The following SLC8A3 variants were observed in gnomAD, a reference collection of about 807,000 sequenced individuals.
The protein encoded by SLC8A3 is sodium/calcium exchanger 3.
Under a neutral mutation model 65.4 loss-of-function variants are expected in SLC8A3, and 37 were observed. That is an observed-to-expected ratio of 0.57 (90% CI 0.44 to 0.74). The LOEUF is 0.74. Ranked by LOEUF, SLC8A3 falls within the 30% of genes least tolerant of loss-of-function variation. The probability of loss-of-function intolerance (pLI) is 0.00; values close to 1 mark genes in which losing one functional copy is unlikely to be tolerated. For synonymous variants in SLC8A3, 461 were observed against 444.5 expected, an observed-to-expected ratio of 1.04 and a Z score of -0.47; for missense variants, 1,112 against 1,172.1, an observed-to-expected ratio of 0.95 and a Z score of 0.75.
intron 2 of SLC8A3, among the ~76,000 whole-genome samples, chr14:70,089,900 C>T (rs12884186): frequency 0.48 from 72,568 of 151,744 alleles, 17,538 homozygotes; most frequent in South Asian, 0.66. Flanking sequence ...GATTTGTATA[C>T]GCAGGAAATT....
intron 2 of SLC8A3, among the ~76,000 whole-genome samples, chr14:70,103,301 C>T (rs1892653077): frequency 6.6e-6 from 1 of 151,826 alleles, no homozygotes; most frequent in African/African-American, 2.4e-5. Flanking sequence ...GGAAATGACA[C>T]CAAATGAAAA....
chr14:70,166,784 C>A lies in SLC8A3; in HGVS notation c.1639G>T (p.Val547Phe), dbSNP rs1402858295. 1 of 1,614,088 alleles carries A rather than the reference C, an allele frequency of 6.2e-7. No individual in the cohort carries two copies. The highest frequency in any genetic ancestry group is 1.7e-5 in the Admixed American group (1 of 60,022). Residue 547 changes from valine to phenylalanine, a missense_variant, in exon 2 of 7, where the codon GTT (valine) becomes TTT (phenylalanine). Transcript: ENST00000356921. The part of the protein sequence containing the change: ...DTIHVSESIG[V>F]MEVKVLRTSG... ...GTCCGCAGAACCTTGACCTCCATAA[C>A]ACCAATACTCTCACTGACATGAATA...
rs147185765 is a variant in SLC8A3 at position 70,095,080 on chromosome 14, T to C, written c.1785-34141A>G. ...TGTGGATCTGCAAGCGCTCACCTCA[T>C]AGAGACGTTGTGAGGTTTACAAGGG... On this transcript the variant is annotated intron_variant, in intron 2 of 6. Coordinates refer to ENST00000356921, the MANE Select transcript of SLC8A3 (RefSeq NM_182932.3). Among the ~76,000 whole-genome samples the C allele has an allele frequency of 5.3e-5, 8 of 151,914 alleles. No individual in the cohort carries two copies. In the East Asian group the frequency reaches 1.6e-3, roughly 30 times the overall value.
At chr14:70,123,651 C>T (rs1350367218) in intron 2 of SLC8A3, among the ~76,000 whole-genome samples, 1 of 152,000 alleles carries the variant, frequency 6.6e-6, no homozygotes, top group Non-Finnish European at 1.5e-5. Flanking sequence ...GGTTTCACCA[C>T]GTTGGCCAGG....
chr14:70,169,925 T>A (rs1897407257), intron 1 of SLC8A3, among the ~76,000 whole-genome samples: 1 of 152,074 alleles, frequency 6.6e-6, no homozygotes, highest in South Asian at 2.1e-4. Flanking sequence ...CTGTCCCTTA[T>A]CCAATCACTA....
intron 3 of SLC8A3, among the ~76,000 whole-genome samples, chr14:70,057,026 T>G (rs958760787): frequency 6.6e-6 from 1 of 152,122 alleles, no homozygotes; most frequent in Non-Finnish European, 1.5e-5. Context: ...TAGAGATTGC[T>G]GAGGAAGGAG....
chr14:70,058,887 G>A (rs17107746), intron 3 of SLC8A3, among the ~76,000 whole-genome samples: 22,363 of 152,124 alleles, frequency 0.15, 1,811 homozygotes, highest in African/African-American at 0.2. Flanking sequence ...ACTTACAATT[G>A]GCCTTGGGTA....
chr14:70,088,933 C>T (rs1044187415), intron 2 of SLC8A3, among the ~76,000 whole-genome samples: 1 of 152,130 alleles, frequency 6.6e-6, no homozygotes, highest in African/African-American at 2.4e-5. Flanking sequence ...TGCTAAAACT[C>T]TCATATATTG....
intron 2 of SLC8A3, among the ~76,000 whole-genome samples, chr14:70,148,745 A>G (rs1420069597): frequency 6.6e-6 from 1 of 152,218 alleles, no homozygotes; most frequent in Non-Finnish European, 1.5e-5. Context: ...TCAACCAGCT[A>G]TGTGCAAGCA....
chr14:70,096,147 G>A (rs1892164416), intron 2 of SLC8A3, among the ~76,000 whole-genome samples: 1 of 152,112 alleles, frequency 6.6e-6, no homozygotes, highest in Admixed American at 6.6e-5. Context: ...CTCCCAAAAT[G>A]TTCGGATTAC....
intron 1 of SLC8A3, 90 bp downstream of exon 1, chr14:70,188,289 T>C (rs1430590954): frequency 6.6e-6 from 1 of 152,374 alleles, no homozygotes; most frequent in Non-Finnish European, 1.5e-5. Flanking sequence ...AGGGATCCTC[T>C]TAGGGGCATC....
chr14:70,125,872 G>A (rs1483471995), intron 2 of SLC8A3, among the ~76,000 whole-genome samples: 1 of 152,132 alleles, frequency 6.6e-6, no homozygotes, highest in Non-Finnish European at 1.5e-5. Context: ...AAGCTCCCAA[G>A]GTTGAGAACC....
chr14:70,179,395 C>G (rs1296353354), intron 1 of SLC8A3, among the ~76,000 whole-genome samples: 1 of 152,174 alleles, frequency 6.6e-6, no homozygotes, highest in African/African-American at 2.4e-5. Context: ...CCACAGTATT[C>G]CCAGTGCCTT....
At chr14:70,081,404 G>GA (rs1204073057) in intron 2 of SLC8A3, among the ~76,000 whole-genome samples, 1 of 152,202 alleles carries the variant, frequency 6.6e-6, no homozygotes, top group African/African-American at 2.4e-5. Context: ...AAAATTGGGA[G>GA]ATGGAATAAA....
intron 2 of SLC8A3, among the ~76,000 whole-genome samples, chr14:70,111,719 G>A (rs766534903): frequency 9.9e-5 from 15 of 152,188 alleles, no homozygotes; most frequent in African/African-American, 3.4e-4. Context: ...TCTAGGATTC[G>A]TAAGGCTCAA....
At chr14:70,139,456 G>A (rs1895422116) in intron 2 of SLC8A3, among the ~76,000 whole-genome samples, 1 of 152,230 alleles carries the variant, frequency 6.6e-6, no homozygotes, top group Non-Finnish European at 1.5e-5. Context: ...AATCCCAAGA[G>A]TTGGGGCCAT....
At chr14:70,127,905 C>G (rs1209013478) in intron 2 of SLC8A3, among the ~76,000 whole-genome samples, 1 of 152,156 alleles carries the variant, frequency 6.6e-6, no homozygotes, top group African/African-American at 2.4e-5. Context: ...TCTATATCAC[C>G]TCCATTCTGT....
intron 1 of SLC8A3, among the ~76,000 whole-genome samples, chr14:70,185,209 C>G (rs148845061): frequency 0.019 from 2,914 of 152,224 alleles, 98 homozygotes; most frequent in African/African-American, 0.067. Flanking sequence ...TCAGGTGATC[C>G]GCCTGCCTCG....
At chr14:70,098,159 G>A (rs1404599220) in intron 2 of SLC8A3, among the ~76,000 whole-genome samples, 2 of 152,164 alleles carry the variant, frequency 1.3e-5, no homozygotes, top group Admixed American at 1.3e-4. Flanking sequence ...ACCAGGACAG[G>A]TATTATGGCA....
Sources: allele counts gnomAD v4.1 joint callset (sites outside exome capture counted in the v4.1 genomes callset), GRCh38; gene constraint gnomAD v4.1.1; transcripts MANE v1.5; gene names NCBI Gene and HGNC (gene_info 2026-07-23, HGNC 2026-07-21).